VPS13A: variants seen among roughly 807,000 people sequenced by gnomAD.
VPS13A encodes the protein vacuolar protein sorting 13 homolog A.
VPS13A carries 264 observed loss-of-function variants against 390.9 expected under a neutral mutation model. The observed-to-expected ratio is 0.68, with a 90% CI of 0.61 to 0.75. The LOEUF is 0.75. Ranked by LOEUF, VPS13A falls within the 30% of genes least tolerant of loss-of-function variation. The pLI is 0.00. For missense variants in VPS13A, 3,409 were observed against 3,733.9 expected, an observed-to-expected ratio of 0.91 and a Z score of 2.27; for synonymous variants, 1,231 against 1,227.1, an observed-to-expected ratio of 1.00 and a Z score of -0.07.
At chr9:77,385,858 T>A (rs781217887) in intron 68 of VPS13A, among the ~76,000 whole-genome samples, 2 of 152,032 alleles carry the variant, frequency 1.3e-5, no homozygotes, top group Non-Finnish European at 2.9e-5. Flanking sequence ...TATAAATCAT[T>A]CTCTATGTTT....
chr9:77,267,925 C>T (rs1826129087), intron 23 of VPS13A, among the ~76,000 whole-genome samples: 1 of 152,198 alleles, frequency 6.6e-6, no homozygotes, highest in African/African-American at 2.4e-5. Context: ...CTGCAGTGGG[C>T]TCCGCCCAAT....
Position 77,260,029 on chromosome 9 carries a change from T to C in VPS13A, c.2289-57T>C, listed in dbSNP as rs951496798. The C allele has an allele frequency of 7.2e-6, 8 of 1,106,228 alleles. 1 individual carries two copies. The East Asian group carries it at 2.1e-4, about 29-fold the overall frequency. The allele number at this position is 1,106,228 out of a possible 1,614,324, so 68.5% of individuals were successfully genotyped here. On this transcript the variant is annotated intron_variant, in intron 22 of 71. Transcript: ENST00000360280. ...ATTTGAGAACAGTCTTTTTAATTAG[T>C]GCACTTAAATCAGAATAATTCCTTT... is the stretch of plus-strand genomic sequence containing the variant.
intron 1 of VPS13A, among the ~76,000 whole-genome samples, chr9:77,197,832 C>G (rs1053918639): frequency 1.3e-5 from 2 of 152,232 alleles, no homozygotes; most frequent in Non-Finnish European, 2.9e-5. Context: ...AAAGGCGTCA[C>G]TGTCTCAGCT....
Position 77,226,007 on chromosome 9 carries a change from A to G in VPS13A, c.1224+19A>G, listed in dbSNP as rs374712100. 3.6e-5 allele frequency: 57 copies of G among 1,589,144 alleles called. No individual in the cohort carries two copies. The highest frequency in any genetic ancestry group is 5.5e-5 in the South Asian group (5 of 90,430). ...AGTTGAGGTAATTCTTGGCTTTTCAATTAGTAAAAATAATTCTGAATTCCA... is the reference window on the plus strand; with the variant it reads ...AGTTGAGGTAATTCTTGGCTTTTCAGTTAGTAAAAATAATTCTGAATTCCA... On this transcript the variant is annotated intron_variant, in intron 14 of 71. Coordinates refer to ENST00000360280, the MANE Select transcript of VPS13A (RefSeq NM_033305.3).
Position 77,321,320 on chromosome 9 carries a change from T to C in VPS13A, c.5567T>C (p.Leu1856Ser). 1.1e-5 allele frequency: 18 copies of C among 1,605,548 alleles called. No homozygotes were observed. The highest frequency in any genetic ancestry group is 1.5e-5 in the Non-Finnish European group (18 of 1,174,298). Residue 1856 changes from leucine to serine, a missense_variant, in exon 43 of 72, where the codon TTA (leucine) becomes TCA (serine). Physicochemically the swap from Leu to Ser is moderately radical, Grantham distance 145. Coordinates refer to ENST00000360280, the MANE Select transcript of VPS13A (RefSeq NM_033305.3). ...SKCGLVMLNN[L>S]VKAFTEAATG... ...TGTGGTCTTGTAATGTTAAACAATT[T>C]AGTCAAGGTAAGAAAAGAAATTTGA...
chr9:77,359,027 T>G (rs1831979072), intron 57 of VPS13A, among the ~76,000 whole-genome samples: 1 of 152,180 alleles, frequency 6.6e-6, no homozygotes, highest in Non-Finnish European at 1.5e-5. Context: ...GCGTAAGCCC[T>G]TCCACCTAGA....
chr9:77,337,137 T>A (rs1830582156), intron 46 of VPS13A, 118 bp from the exon 47 acceptor site: 1 of 1,078,622 alleles, frequency 9.3e-7, no homozygotes, highest in African/African-American at 1.6e-5. Flanking sequence ...TATGAAAATA[T>A]AAAAATGTAC....
intron 32 of VPS13A, among the ~76,000 whole-genome samples, 184 bp from the exon 33 acceptor site, chr9:77,295,358 G>C (rs1200535056): frequency 6.6e-6 from 1 of 151,884 alleles, no homozygotes; most frequent in African/African-American, 2.4e-5. Flanking sequence ...GTGTCTTTGT[G>C]TTTCTCAGTT....
At chr9:77,347,926 T>A (rs780893394) in intron 52 of VPS13A, among the ~76,000 whole-genome samples, 1 of 152,098 alleles carries the variant, frequency 6.6e-6, no homozygotes, top group Non-Finnish European at 1.5e-5. Flanking sequence ...GGTGTTTCTT[T>A]CAGCTAGAAA....
At chr9:77,350,882 CTG>C (rs1171017555) in intron 52 of VPS13A, 1 of 165,918 alleles carries the variant, frequency 6.0e-6, no homozygotes, top group African/African-American at 2.4e-5. Flanking sequence ...TGTGAGTCAA[CTG>C]AATTTCTTAG....
chr9:77,374,394 A>G (rs1463354853), intron 67 of VPS13A, among the ~76,000 whole-genome samples: 1 of 152,218 alleles, frequency 6.6e-6, no homozygotes, highest in Non-Finnish European at 1.5e-5. Context: ...TAATACCGCA[A>G]TAGTCAGGAT....
chr9:77,296,466 C>CT (rs1431871443), intron 33 of VPS13A, among the ~76,000 whole-genome samples: 1 of 152,126 alleles, frequency 6.6e-6, no homozygotes, highest in African/African-American at 2.4e-5. Context: ...CCTCTTCCTT[C>CT]TTTCTGTCAT....
At chr9:77,371,582 A>T (rs2131589996) in intron 67 of VPS13A, among the ~76,000 whole-genome samples, 1 of 152,152 alleles carries the variant, frequency 6.6e-6, no homozygotes, top group African/African-American at 2.4e-5. Flanking sequence ...TCTTGGAGGG[A>T]CACATTCAAA....
At chr9:77,399,351 A>G (rs1472592620) in intron 68 of VPS13A, among the ~76,000 whole-genome samples, 2 of 152,178 alleles carry the variant, frequency 1.3e-5, no homozygotes, top group African/African-American at 4.8e-5. Flanking sequence ...TACTTATACC[A>G]GATGCTGTTG....
intron 1 of VPS13A, among the ~76,000 whole-genome samples, chr9:77,198,451 A>G (rs764373918): frequency 2.0e-4 from 30 of 152,106 alleles, no homozygotes; most frequent in Admixed American, 1.7e-3. Flanking sequence ...CTTTATCTTC[A>G]TCATCCACTT....
At chr9:77,366,109 CAG>C (rs374597479) in intron 60 of VPS13A, among the ~76,000 whole-genome samples, 1 of 152,006 alleles carries the variant, frequency 6.6e-6, no homozygotes, top group African/African-American at 2.4e-5. Context: ...CAGCTTATGA[CAG>C]AGTTACATCT....
rs201517936 is a variant in VPS13A, at chr9:77,370,437, C to T, written c.8766C>T (p.Ser2922=). ...CAGGTGGATTGGCTGGTGCTGCCTCCAAAATCACCGGTGCTATGGCTAAGG... is the reference window on the plus strand; with the variant it reads ...CAGGTGGATTGGCTGGTGCTGCCTCTAAAATCACCGGTGCTATGGCTAAGG... ...GAVGGLAGAA[S]KITGAMAKGV... The change falls in exon 65 of 72, where the codon TCC becomes TCT. Residue 2922 remains serine (S), a synonymous_variant. Coordinates refer to ENST00000360280, the MANE Select transcript of VPS13A (RefSeq NM_033305.3). 1.4e-5 allele frequency: 23 copies of T among 1,614,152 alleles called. No individual in the cohort carries two copies. The African/African-American group carries it at 2.9e-4, about 21-fold the overall frequency.
chr9:77,351,552 A>AG (rs1259052996), intron 53 of VPS13A, 106 bp downstream of exon 53: 3 of 1,400,866 alleles, frequency 2.1e-6, no homozygotes, highest in Non-Finnish European at 3.0e-6. Context: ...TGGGAGGCTG[A>AG]GGTGGGCCAT....
In VPS13A at chr9:77,416,228, G is replaced by T; in HGVS notation, c.*222G>T. 6.4e-6 allele frequency: 3 copies of T among 471,576 alleles called. No individual in the cohort carries two copies. The highest frequency in any genetic ancestry group is 1.2e-5 in the Non-Finnish European group (3 of 259,606). The allele number at this position is 471,576 out of a possible 1,614,324, so 29.2% of individuals were successfully genotyped here. On this transcript the variant is annotated 3_prime_UTR_variant, in exon 72 of 72. Coordinates refer to ENST00000360280, the MANE Select transcript of VPS13A (RefSeq NM_033305.3). ...TATTTTAATTCTTCAGCAATTACCC[G>T]GTTTTCTAAATTGAATCATGCATCT...
Sources: gnomAD v4.1 joint callset for allele counts (sites outside exome capture counted in the v4.1 genomes callset) on GRCh38, gnomAD v4.1.1 for gene constraint, MANE v1.5 for transcripts, NCBI Gene and HGNC (gene_info 2026-07-23, HGNC 2026-07-21) for gene names.